Variants in TBPL1 observed in about 807,000 individuals in gnomAD.
TBPL1 encodes TATA box-binding protein-like 1.
Under a neutral mutation model 22.1 loss-of-function variants are expected in TBPL1, and 4 were observed. That is an observed-to-expected ratio of 0.18 (90% CI 0.09 to 0.41). The LOEUF (loss-of-function observed/expected upper bound fraction) is 0.41. TBPL1 is among the 10% of genes least tolerant of loss of function. The probability of loss-of-function intolerance (pLI) is 1.00; values close to 1 mark genes in which losing one functional copy is unlikely to be tolerated. For missense variants in TBPL1, 115 were observed against 222.3 expected (o/e 0.52, Z 3.07); for synonymous variants, 64 against 71.0 (o/e 0.90, Z 0.50).
At chr6:133,962,600 T>C (rs1021383104) in intron 1 of TBPL1, among the ~76,000 whole-genome samples, 4 of 152,230 alleles carry the variant, frequency 2.6e-5, no homozygotes, top group Non-Finnish European at 5.9e-5. Flanking sequence ...TTAATAGATA[T>C]GCCTAATAGA....
At position 133,987,646 on chromosome 6, in the gene TBPL1, G is replaced by GTATATATATATATATA. The variant is rs1165164380; in HGVS notation, c.*607_*608insATATATATATATATAT. 16 of 133,204 alleles carry GTATATATATATATATA rather than the reference G, an allele frequency of 1.2e-4. No individual in the cohort carries two copies. Among genetic ancestry groups the GTATATATATATATATA allele is most frequent in the African/African-American group, 4.4e-4 (16 of 36,106 alleles). 8.3% of individuals were successfully genotyped at this position (133,204 alleles called of 1,614,324 possible). A position where few individuals can be genotyped will look rare whatever the true frequency, so the allele number is the denominator to read the frequency against. On this transcript the variant is annotated 3_prime_UTR_variant, in exon 7 of 7. Coordinates refer to ENST00000237264, the MANE Select transcript of TBPL1 (RefSeq NM_004865.4). ...ATTTTGTGTGTGTGTGTGTGTGTGT[G>GTATATATATATATATA]TGTATATATATATATATATATGCAC...
chr6:133,967,656 C>G (rs1220076740), intron 1 of TBPL1, among the ~76,000 whole-genome samples: 1 of 152,074 alleles, frequency 6.6e-6, no homozygotes. Flanking sequence ...GCAGTTGTAA[C>G]ATAATCATAA....
chr6:133,990,230 C>A lies in TBPL1; in HGVS notation c.*3190C>A, dbSNP rs1321105418. ...TACCGTAACCTGAGGTAGTGATATT[C>A]CTGAGGAGTGTGAAGAATTGGACAC... On this transcript the variant is annotated 3_prime_UTR_variant, in exon 7 of 7. Coordinates refer to ENST00000237264, the MANE Select transcript of TBPL1 (RefSeq NM_004865.4). The A allele has an allele frequency of 6.6e-6, 1 of 152,572 alleles. No individual in the cohort carries two copies. The highest frequency in any genetic ancestry group is 1.9e-4 in the East Asian group (1 of 5,198). The allele number at this position is 152,572 out of a possible 1,614,324, so 9.5% of individuals were successfully genotyped here. A position where few individuals can be genotyped will look rare whatever the true frequency, so the allele number is the denominator to read the frequency against.
chr6:133,965,046 A>G (rs1383961490), intron 1 of TBPL1, among the ~76,000 whole-genome samples: 1 of 152,242 alleles, frequency 6.6e-6, no homozygotes, highest in African/African-American at 2.4e-5. Flanking sequence ...ATCTTGATGC[A>G]TGCCAATTCT....
intron 1 of TBPL1, 27 bp from the exon 2 acceptor site, chr6:133,980,055 A>G: frequency 7.3e-7 from 1 of 1,375,174 alleles, no homozygotes; most frequent in Non-Finnish European, 9.5e-7. Flanking sequence ...TTTAAGTTTA[A>G]TGACTTTATT....
intron 1 of TBPL1, among the ~76,000 whole-genome samples, chr6:133,977,781 G>C (rs1776339750): frequency 6.6e-6 from 1 of 152,116 alleles, no homozygotes; most frequent in African/African-American, 2.4e-5. Context: ...AGCGTCAGGG[G>C]CCAGGCTGCT....
intron 1 of TBPL1, among the ~76,000 whole-genome samples, chr6:133,977,588 G>A (rs747765740): frequency 1.2e-4 from 19 of 152,306 alleles, no homozygotes; most frequent in Non-Finnish European, 2.5e-4. Context: ...AAATTTGATA[G>A]TTGATTCGCA....
chr6:133,962,809 A>G (rs1776047347), intron 1 of TBPL1, among the ~76,000 whole-genome samples: 1 of 152,222 alleles, frequency 6.6e-6, no homozygotes, highest in South Asian at 2.1e-4. Context: ...ATTAGTGTGT[A>G]TACAATTTCA....
At chr6:133,976,770 C>A (rs894964784) in intron 1 of TBPL1, among the ~76,000 whole-genome samples, 1 of 151,958 alleles carries the variant, frequency 6.6e-6, no homozygotes. Flanking sequence ...CAGTGGCTCA[C>A]GAAGTCAAGA....
At chr6:133,962,507 G>T (rs1222677760) in intron 1 of TBPL1, among the ~76,000 whole-genome samples, 1 of 152,238 alleles carries the variant, frequency 6.6e-6, no homozygotes, top group African/African-American at 2.4e-5. Flanking sequence ...TGTTAATTGT[G>T]ACTCACTCCA....
At chr6:133,959,550 C>T (rs1251535886) in intron 1 of TBPL1, among the ~76,000 whole-genome samples, 1 of 151,990 alleles carries the variant, frequency 6.6e-6, no homozygotes, top group Admixed American at 6.6e-5. Flanking sequence ...GGCGCGATCT[C>T]GGCTCACTGC....
chr6:133,971,098 TCTC>T (rs1184974064), intron 1 of TBPL1, among the ~76,000 whole-genome samples: 3 of 152,194 alleles, frequency 2.0e-5, no homozygotes, highest in South Asian at 4.2e-4. Context: ...CTCATCCTCT[TCTC>T]CTCAGTCTCT....
chr6:133,979,852 G>A (rs559688449), intron 1 of TBPL1, among the ~76,000 whole-genome samples: 4 of 152,140 alleles, frequency 2.6e-5, no homozygotes, highest in African/African-American at 9.6e-5. Flanking sequence ...TCACTATGTT[G>A]GCCAGTCTGG....
chr6:133,975,263 A>G (rs1172578321), intron 1 of TBPL1, among the ~76,000 whole-genome samples: 1 of 152,024 alleles, frequency 6.6e-6, no homozygotes, highest in Non-Finnish European at 1.5e-5. Context: ...TTAAAAGATT[A>G]TTAAGACAAC....
In TBPL1 at chr6:133,981,668, G is replaced by A. The variant is rs559233512; in HGVS notation, c.136-900G>A. Reference sequence around the variant, plus strand: ...TCTGCCCAGATTTAATAGCTTTCTAGTTTGATAATATGGCATATGACAGAG... The same window carrying A: ...TCTGCCCAGATTTAATAGCTTTCTAATTTGATAATATGGCATATGACAGAG... On this transcript the variant is annotated intron_variant, in intron 2 of 6. Coordinates refer to ENST00000237264, the MANE Select transcript of TBPL1 (RefSeq NM_004865.4). 3.9e-5 allele frequency among the ~76,000 whole-genome samples: 6 copies of A among 152,252 alleles called. 1 individual carries two copies. In the South Asian group the frequency reaches 1.2e-3, roughly 32 times the overall value.
intron 6 of TBPL1, among the ~76,000 whole-genome samples, chr6:133,986,430 A>G (rs1776525383): frequency 6.6e-6 from 1 of 152,168 alleles, no homozygotes; most frequent in African/African-American, 2.4e-5. Flanking sequence ...TGACTTGTAT[A>G]CGCTCTGAGG....
At chr6:133,969,181 A>G (rs891241943) in intron 1 of TBPL1, among the ~76,000 whole-genome samples, 2 of 151,758 alleles carry the variant, frequency 1.3e-5, no homozygotes, top group African/African-American at 4.8e-5. Context: ...AATCAGTATC[A>G]TTTAAATCTT....
At chr6:133,970,761 T>A (rs1280327410) in intron 1 of TBPL1, among the ~76,000 whole-genome samples, 2 of 152,074 alleles carry the variant, frequency 1.3e-5, no homozygotes, top group Non-Finnish European at 2.9e-5. Context: ...CCACCATACC[T>A]GGCTAATTTT....
In TBPL1 at chr6:133,989,154, C is replaced by G. The variant is rs952907409; in HGVS notation, c.*2114C>G. On this transcript the variant is annotated 3_prime_UTR_variant, in exon 7 of 7. Transcript: ENST00000237264. ...ACAAAGATGGGAAGAAGTGAGTGCT[C>G]TGATGTCTTCTGCTGGCTCTCCATA... 19 of 152,136 alleles carry G rather than the reference C, an allele frequency of 1.2e-4. No individual in the cohort carries two copies. The highest frequency in any genetic ancestry group is 4.3e-4 in the African/African-American group (18 of 41,430). The allele number at this position is 152,136 out of a possible 1,614,324, so 9.4% of individuals were successfully genotyped here.
Sources: gnomAD v4.1 joint callset for allele counts (sites outside exome capture counted in the v4.1 genomes callset) on GRCh38, gnomAD v4.1.1 for gene constraint, MANE v1.5 for transcripts, NCBI Gene and HGNC (gene_info 2026-07-23, HGNC 2026-07-21) for gene names.